Variants in EPDR1 observed in about 807,000 individuals in gnomAD.
EPDR1 encodes the protein ependymin related 1.
In EPDR1, 27 loss-of-function variants were observed where a neutral mutation model predicts 23.7. The observed-to-expected ratio is 1.14, with a 90% confidence interval of 0.84 to 1.57. The LOEUF (loss-of-function observed/expected upper bound fraction) is 1.57. EPDR1 is among the 40% of genes most tolerant of loss of function. EPDR1 has a pLI of 0.00. For synonymous variants in EPDR1, 137 were observed against 118.2 expected, an observed-to-expected ratio of 1.16 and a Z score of -1.03; for missense variants, 349 against 290.4, an observed-to-expected ratio of 1.20 and a Z score of -1.47.
rs1464681784 is a variant in EPDR1, at chr7:37,921,013, G to A, written c.74G>A (p.Trp25Ter). Residue 25 changes from tryptophan to a stop codon, truncating the protein, a stop_gained, in exon 1 of 3, where the codon TGG becomes TAG. Coordinates refer to ENST00000199448, the MANE Select transcript of EPDR1 (RefSeq NM_017549.5). LOFTEE classifies it high-confidence loss of function. ...TGGCTGCTGGGCGGCCTCTGGGCCT[G>A]GACCCTGTGCGGCCTGTGCAGCCTG... is the stretch of plus-strand genomic sequence containing the variant. Reference protein sequence around the residue: ...GAWLLGGLWAWTLCGLCSLGA... With the variant: ...GAWLLGGLWA 1.7e-5 allele frequency: 26 copies of A among 1,527,510 alleles called. No individual in the cohort carries two copies. The highest frequency in any genetic ancestry group is 2.3e-5 in the Non-Finnish European group (26 of 1,141,720). The allele number at this position is 1,527,510 out of a possible 1,614,324, so 94.6% of individuals were successfully genotyped here. A position where few individuals can be genotyped will look rare whatever the true frequency, so the allele number is the denominator to read the frequency against.
chr7:37,921,477 G>A, intron 1 of EPDR1: 1 of 1,363,262 alleles, frequency 7.3e-7, no homozygotes, highest in Non-Finnish European at 9.4e-7. Flanking sequence ...ATCCAGGGCG[G>A]GATCAAGCTG....
chr7:37,928,748 T>C (rs1336559083), intron 1 of EPDR1, among the ~76,000 whole-genome samples: 1 of 152,182 alleles, frequency 6.6e-6, no homozygotes, highest in African/African-American at 2.4e-5. Flanking sequence ...GGACTGCTAA[T>C]AGTGGACTCT....
At chr7:37,926,916 G>T (rs1785824986) in intron 1 of EPDR1, 5 of 237,974 alleles carry the variant, frequency 2.1e-5, no homozygotes, top group East Asian at 1.9e-4. Context: ...TTCTAATTTT[G>T]TTCTATTTGC....
intron 2 of EPDR1, among the ~76,000 whole-genome samples, chr7:37,949,313 T>G (rs1786348469): frequency 6.6e-6 from 1 of 152,246 alleles, no homozygotes; most frequent in African/African-American, 2.4e-5. Context: ...TGACATTTTA[T>G]GGTCGTCCCG....
chr7:37,924,618 A>G (rs767040830), intron 1 of EPDR1, among the ~76,000 whole-genome samples: 8 of 152,164 alleles, frequency 5.3e-5, no homozygotes, highest in East Asian at 1.9e-4. Flanking sequence ...CCCTAATCCA[A>G]TAGGTGCTGG....
rs756538695 is a variant in EPDR1 at position 37,920,664 on chromosome 7, C to T, written c.-276C>T. 3 of 741,458 alleles carry T rather than the reference C, an allele frequency of 4.0e-6. No individual in the cohort carries two copies. The highest frequency in any genetic ancestry group is 1.7e-5 in the African/African-American group (1 of 60,502). 45.9% of individuals were successfully genotyped at this position (741,458 alleles called of 1,614,324 possible). A position where few individuals can be genotyped will look rare whatever the true frequency, so the allele number is the denominator to read the frequency against. On this transcript the variant is annotated 5_prime_UTR_variant, in exon 1 of 3. Coordinates refer to ENST00000199448, the MANE Select transcript of EPDR1 (RefSeq NM_017549.5). ...CAGTGAAAACCGAAGCGGCAGAAGG[C>T]AGTGGCAGCAGGCAGTGGCAGCAGG...
chr7:37,947,103 A>G (rs778600390), intron 1 of EPDR1, among the ~76,000 whole-genome samples: 2 of 152,048 alleles, frequency 1.3e-5, no homozygotes, highest in Admixed American at 6.6e-5. Context: ...TCACTCACTC[A>G]CTCACCTACC....
rs1055579301 is a variant in EPDR1 at position 37,950,457 on chromosome 7, G to A, written c.*61G>A. On this transcript the variant is annotated 3_prime_UTR_variant, in exon 3 of 3. Transcript: ENST00000199448. ...GCCCCCTGCGGCCCCAGCTGGAGAT[G>A]GATATGAGACTAGTCAAGATGTGAA... 4.0e-5 allele frequency: 57 copies of A among 1,431,696 alleles called. No homozygotes were observed. Among genetic ancestry groups the A allele is most frequent in the Non-Finnish European group, 4.9e-5 (52 of 1,055,834 alleles). 88.7% of individuals were successfully genotyped at this position (1,431,696 alleles called of 1,614,324 possible). A position where few individuals can be genotyped will look rare whatever the true frequency, so the allele number is the denominator to read the frequency against.
intron 1 of EPDR1, among the ~76,000 whole-genome samples, chr7:37,945,942 T>C (rs1037725552): frequency 6.6e-6 from 1 of 152,174 alleles, no homozygotes; most frequent in Non-Finnish European, 1.5e-5. Context: ...GTTCTCATCA[T>C]TCAGCTCCCG....
At chr7:37,946,024 C>T (rs185379997) in intron 1 of EPDR1, among the ~76,000 whole-genome samples, 1 of 152,338 alleles carries the variant, frequency 6.6e-6, no homozygotes, top group Admixed American at 6.5e-5. Flanking sequence ...TGGCTTCCAA[C>T]TCCATCCATG....
chr7:37,934,128 C>G (rs1404732074), intron 1 of EPDR1, among the ~76,000 whole-genome samples: 2 of 152,162 alleles, frequency 1.3e-5, no homozygotes, highest in Non-Finnish European at 2.9e-5. Flanking sequence ...AGGTGCCCAC[C>G]ACCACGCCTG....
intron 1 of EPDR1, chr7:37,926,716 A>G (rs1358079362): frequency 6.6e-6 from 3 of 453,752 alleles, no homozygotes; most frequent in Non-Finnish European, 1.3e-5. Context: ...CTCTGTTCCA[A>G]TTGCATCCTG....
intron 1 of EPDR1, among the ~76,000 whole-genome samples, chr7:37,934,134 G>A (rs1462167986): frequency 6.6e-6 from 1 of 152,036 alleles, no homozygotes; most frequent in East Asian, 1.9e-4. Flanking sequence ...CCACCACCAC[G>A]CCTGGCTAAT....
intron 1 of EPDR1, among the ~76,000 whole-genome samples, chr7:37,931,400 G>T (rs976118815): frequency 2.3e-4 from 35 of 152,210 alleles, no homozygotes; most frequent in African/African-American, 7.7e-4. Flanking sequence ...TGTAATCCCA[G>T]CTACCCAGGA....
chr7:37,920,844 A>G lies in EPDR1; in HGVS notation c.-96A>G. On this transcript the variant is annotated 5_prime_UTR_variant, in exon 1 of 3. Transcript: ENST00000199448. ...TTGGTCCAGACCACACTCCCGGCACAGTGCGGAAAGAGCCGGCGGGAGCCA... is the reference window on the plus strand; with the variant it reads ...TTGGTCCAGACCACACTCCCGGCACGGTGCGGAAAGAGCCGGCGGGAGCCA... The G allele has an allele frequency of 7.5e-6, 12 of 1,610,606 alleles. No homozygotes were observed. Among genetic ancestry groups the G allele is most frequent in the African/African-American group, 1.3e-5 (1 of 74,968 alleles).
chr7:37,929,054 G>C (rs906983740), intron 1 of EPDR1, among the ~76,000 whole-genome samples: 7 of 152,178 alleles, frequency 4.6e-5, no homozygotes, highest in African/African-American at 1.7e-4. Flanking sequence ...ACTCATTGTG[G>C]ACCTGGCCTC....
At chr7:37,948,160 T>G (rs2246953) in intron 1 of EPDR1, among the ~76,000 whole-genome samples, 1 of 151,822 alleles carries the variant, frequency 6.6e-6, no homozygotes, top group Non-Finnish European at 1.5e-5. Flanking sequence ...CTGAGTGCTG[T>G]GAGAGAAAAT....
intron 1 of EPDR1, among the ~76,000 whole-genome samples, chr7:37,936,963 A>G (rs1413154277): frequency 1.3e-5 from 2 of 152,168 alleles, no homozygotes; most frequent in African/African-American, 4.8e-5. Context: ...AAACGTTGGA[A>G]AAGAAGGACA....
intron 1 of EPDR1, among the ~76,000 whole-genome samples, chr7:37,947,598 G>C (rs1786303478): frequency 6.6e-6 from 1 of 152,134 alleles, no homozygotes; most frequent in African/African-American, 2.4e-5. Flanking sequence ...TAATTTGTTG[G>C]CTATTTTTAT....
Sources: allele counts gnomAD v4.1 joint callset (sites outside exome capture counted in the v4.1 genomes callset), GRCh38; gene constraint gnomAD v4.1.1; transcripts MANE v1.5; gene names NCBI Gene and HGNC (gene_info 2026-07-23, HGNC 2026-07-21).